The following MTM1 variants were observed in gnomAD, a reference collection of about 807,000 sequenced individuals.
MTM1 encodes the protein myotubularin.
Under a neutral mutation model 52.1 loss-of-function variants are expected in MTM1, and 9 were observed. The ratio of observed to expected loss-of-function variants is 0.17; its 90% CI spans 0.10 to 0.30. The LOEUF is 0.30. MTM1 is among the 10% of genes least tolerant of loss of function. The pLI is 1.00. For missense variants in MTM1, 277 were observed against 470.7 expected, an observed-to-expected ratio of 0.59 and a Z score of 3.81; for synonymous variants, 136 against 163.8, an observed-to-expected ratio of 0.83 and a Z score of 1.29.
At chrX:150,584,395 T>C (rs2038743943) in intron 1 of MTM1, among the ~76,000 whole-genome samples, 2 of 111,028 alleles carry the variant, frequency 1.8e-5, no homozygotes, top group South Asian at 7.5e-4. Context: ...TATTTAGGGA[T>C]GTATACATGT....
At chrX:150,633,420 G>A (rs1209429667) in intron 6 of MTM1, among the ~76,000 whole-genome samples, 6 of 112,212 alleles carry the variant, frequency 5.3e-5, no homozygotes, top group Non-Finnish European at 7.5e-5. Flanking sequence ...GTGTCAAGTC[G>A]TGTGAAATAT....
intron 1 of MTM1, among the ~76,000 whole-genome samples, chrX:150,579,017 C>CTCTCTCTATCTATCTA (rs1329234448): frequency 4.1e-5 from 4 of 98,165 alleles, no homozygotes; most frequent in Admixed American, 1.1e-4. Context: ...ATCTATATAT[C>CTCTCTCTATCTATCTA]TCTATCTATC....
At chrX:150,621,030 A>G (rs1027619310) in intron 6 of MTM1, among the ~76,000 whole-genome samples, 3 of 106,749 alleles carry the variant, frequency 2.8e-5, no homozygotes, top group African/African-American at 1.0e-4. Context: ...AGGCAGGACA[A>G]TCGCTTGAAC....
At chrX:150,631,009 C>T (rs2039657443) in intron 6 of MTM1, among the ~76,000 whole-genome samples, 2 of 112,300 alleles carry the variant, frequency 1.8e-5, no homozygotes, top group African/African-American at 3.2e-5. Context: ...ATGTTGCCCA[C>T]CTGGGAAGTT....
chrX:150,563,790 G>A (rs919657742), upstream of MTM1, among the ~76,000 whole-genome samples: 3 of 110,700 alleles, frequency 2.7e-5, no homozygotes, highest in Non-Finnish European at 5.7e-5. Flanking sequence ...GGAAGCTGAG[G>A]CAGGAGACTC....
intron 6 of MTM1, among the ~76,000 whole-genome samples, chrX:150,621,258 G>A (rs1210377278): frequency 2.7e-5 from 3 of 110,162 alleles, no homozygotes; most frequent in African/African-American, 9.9e-5. Flanking sequence ...ATAACTTGAA[G>A]TCAGCTTTTC....
At chrX:150,588,764 G>A (rs1170564436) in intron 1 of MTM1, among the ~76,000 whole-genome samples, 1 of 111,780 alleles carries the variant, frequency 8.9e-6, no homozygotes, top group African/African-American at 3.3e-5. Flanking sequence ...AGGGGTACAA[G>A]TTAACCCTGC....
At chrX:150,578,825 C>CT (rs1294005815) in intron 1 of MTM1, among the ~76,000 whole-genome samples, 67 of 101,206 alleles carry the variant, frequency 6.6e-4, no homozygotes, top group Admixed American at 7.5e-4. Context: ...AGTACTGCAA[C>CT]TTTTTTTTTT....
At chrX:150,659,596 T>G (rs188420334) in intron 11 of MTM1, 68 bp from the exon 12 acceptor site, 14 of 907,822 alleles carry the variant, frequency 1.5e-5, no homozygotes, top group African/African-American at 1.4e-4. Context: ...TTGTCACATT[T>G]TGTGTTATAT....
chrX:150,641,317 G>A lies in MTM1; in HGVS notation c.577G>A (p.Glu193Lys). ...AATAACTTTTATTAATAAGTGCTAT[G>A]AGCTCTGTGACACTTACCCTGCTCT... ...WRITFINKCYELCDTYPALLV... is the reference protein window; with the variant it reads ...WRITFINKCYKLCDTYPALLV... Residue 193 changes from glutamate to lysine, a missense_variant, in exon 8 of 15, where the codon GAG (glutamate) becomes AAG (lysine). Around this residue, in one of 4 missense-constraint regions of MTM1, gnomAD observed 164 missense variants for 283.3 expected, o/e 0.58. Coordinates refer to ENST00000370396, the MANE Select transcript of MTM1 (RefSeq NM_000252.3). 8.3e-7 allele frequency: 1 copy of A among 1,211,127 alleles called. No individual in the cohort carries two copies. The highest frequency in any genetic ancestry group is 2.2e-5 in the Admixed American group (1 of 46,038).
At chrX:150,651,011 T>C (rs2040011108) in intron 10 of MTM1, among the ~76,000 whole-genome samples, 1 of 111,517 alleles carries the variant, frequency 9.0e-6, no homozygotes, top group Admixed American at 9.6e-5. Flanking sequence ...TTCCACTTTC[T>C]TCAAGGACCA....
At position 150,591,641 on chromosome X, in the gene MTM1, C is replaced by T. The variant is rs929000325; in HGVS notation, c.-10-964C>T. Reference sequence around the variant, plus strand: ...TATGCCTAGTGTTCCACTATTGGAACGCTAAGCTTGTGGGAGTTATTTACA... The same window carrying T: ...TATGCCTAGTGTTCCACTATTGGAATGCTAAGCTTGTGGGAGTTATTTACA... On this transcript the variant is annotated intron_variant, in intron 1 of 14. Coordinates refer to ENST00000370396, the MANE Select transcript of MTM1 (RefSeq NM_000252.3). 2.7e-5 allele frequency among the ~76,000 whole-genome samples: 3 copies of T among 112,879 alleles called. No homozygotes were observed. The Admixed American group carries it at 2.8e-4, about 11-fold the overall frequency.
intron 6 of MTM1, among the ~76,000 whole-genome samples, chrX:150,626,096 T>A (rs1557413398): frequency 8.9e-6 from 1 of 112,485 alleles, no homozygotes; most frequent in Non-Finnish European, 1.9e-5. Flanking sequence ...TCTTTTTGCC[T>A]AGCTTTGGTG....
At chrX:150,644,102 TAATA>T (rs2039891013) in intron 8 of MTM1, among the ~76,000 whole-genome samples, 1 of 111,072 alleles carries the variant, frequency 9.0e-6, no homozygotes, top group Non-Finnish European at 1.9e-5. Flanking sequence ...TCTTTCTCAA[TAATA>T]AATAATTTTT....
chrX:150,650,301 CTTATT>C (rs1441376920), intron 10 of MTM1, among the ~76,000 whole-genome samples: 1 of 109,464 alleles, frequency 9.1e-6, no homozygotes, highest in Non-Finnish European at 1.9e-5. Flanking sequence ...TCTCAAATGA[CTTATT>C]TTAAAGAATT....
intron 6 of MTM1, among the ~76,000 whole-genome samples, chrX:150,619,349 G>A (rs782046474): frequency 1.8e-5 from 2 of 112,184 alleles, no homozygotes; most frequent in Admixed American, 1.9e-4. Flanking sequence ...TGAGCAATGA[G>A]TGTCAGGCTT....
chrX:150,646,341 C>T (rs937613312), intron 9 of MTM1, among the ~76,000 whole-genome samples: 3 of 113,012 alleles, frequency 2.7e-5, no homozygotes, highest in Admixed American at 1.9e-4. Context: ...AGTAGGTCCA[C>T]GTATGTGAGT....
At chrX:150,583,890 T>TTTA (rs1557412115) in intron 1 of MTM1, among the ~76,000 whole-genome samples, 1 of 35,285 alleles carries the variant, frequency 2.8e-5, no homozygotes, top group Non-Finnish European at 4.1e-5. Context: ...AATATATATA[T>TTTA]ATATTTGATA....
intron 1 of MTM1, among the ~76,000 whole-genome samples, chrX:150,584,503 A>G (rs782716542): frequency 9.0e-6 from 1 of 111,320 alleles, no homozygotes; most frequent in African/African-American, 3.3e-5. Context: ...TAACTTCTCC[A>G]AAGTCATGAA....
Sources: allele counts gnomAD v4.1 joint callset (sites outside exome capture counted in the v4.1 genomes callset), GRCh38; gene constraint gnomAD v4.1.1; regional missense constraint gnomAD v4.1.1; transcripts MANE v1.5; gene names NCBI Gene and HGNC (gene_info 2026-07-23, HGNC 2026-07-21).